TRPA1: variants seen among roughly 807,000 people sequenced by gnomAD.
TRPA1 encodes the protein ankyrin-like with transmembrane domains 1.
A neutral mutation model predicts 131.3 loss-of-function variants in TRPA1; 129 were observed. That is an observed-to-expected ratio of 0.98 (90% CI 0.85 to 1.14). The LOEUF (loss-of-function observed/expected upper bound fraction) is 1.14. Among genes scored for constraint, TRPA1 ranks in the 50% most tolerant of loss-of-function variants. The pLI is 0.00. For missense variants in TRPA1, 1,304 were observed against 1,354.2 expected, an observed-to-expected ratio of 0.96 and a Z score of 0.58; for synonymous variants, 441 against 451.7, an observed-to-expected ratio of 0.98 and a Z score of 0.30.
At chr8:72,041,215 G>C (rs1290924692) in intron 17 of TRPA1, 4 of 151,948 alleles carry the variant, frequency 2.6e-5, no homozygotes, top group African/African-American at 7.2e-5. Flanking sequence ...CAAAAATATG[G>C]AGCAAACTTA....
intron 17 of TRPA1, 41 bp from the exon 18 acceptor site, chr8:72,039,838 T>C (rs752574233): frequency 1.6e-5 from 21 of 1,288,110 alleles, no homozygotes; most frequent in South Asian, 1.5e-4. Context: ...ACAATCATAA[T>C]CAACTACTGA....
In TRPA1 at chr8:72,061,690, C is replaced by T. The variant is rs377547475; in HGVS notation, c.879G>A (p.Ser293=). The change falls in exon 7 of 27, where the codon TCG becomes TCA. Residue 293 remains serine, a synonymous_variant. Transcript: ENST00000262209. ...GATEIVKLMI[S]SYSGSVDIVN... is the part of the protein sequence containing the mutation. Reference sequence around the variant, plus strand: ...CAATATCCACGCTACCAGAATAGGACGATATCATCAGTTTAACAATCTCAG... The same window carrying T: ...CAATATCCACGCTACCAGAATAGGATGATATCATCAGTTTAACAATCTCAG... 2.0e-5 allele frequency: 33 copies of T among 1,613,822 alleles called. No homozygotes were observed. Among genetic ancestry groups the T allele is most frequent in the African/African-American group, 6.7e-5 (5 of 74,884 alleles).
chr8:72,035,560 G>A (rs1812002924), intron 21 of TRPA1, among the ~76,000 whole-genome samples: 1 of 152,076 alleles, frequency 6.6e-6, no homozygotes, highest in Non-Finnish European at 1.5e-5. Flanking sequence ...TAATAACATT[G>A]GCCTTGTTAT....
rs1805861685 is a variant in TRPA1, at chr8:72,063,590, T to C, written c.553-19A>G. 3 of 1,583,446 alleles carry C rather than the reference T, an allele frequency of 1.9e-6. No individual in the cohort carries two copies. Among genetic ancestry groups the C allele is most frequent in the Non-Finnish European group, 2.6e-6 (3 of 1,153,262 alleles). On this transcript the variant is annotated intron_variant, in intron 4 of 26. Coordinates refer to ENST00000262209, the MANE Select transcript of TRPA1 (RefSeq NM_007332.3). Reference sequence around the variant, plus strand: ...TTTTAAGCTGGAAGAAAAGACAAAATGAAAAATGACACCAGTTAAACCCCA... The same window carrying C: ...TTTTAAGCTGGAAGAAAAGACAAAACGAAAAATGACACCAGTTAAACCCCA...
Position 72,047,149 on chromosome 8 carries a change from T to A in TRPA1, c.1964A>T (p.Tyr655Phe). 6.2e-7 allele frequency: 1 copy of A among 1,603,004 alleles called. No homozygotes were observed. Among genetic ancestry groups the A allele is most frequent in the Non-Finnish European group, 8.5e-7 (1 of 1,171,406 alleles). ...STEDKSCRDYYIEYNFKYLQC... is the reference protein window; with the variant it reads ...STEDKSCRDYFIEYNFKYLQC... ...ATAATGATGATAAAATAAACTTACA[T>A]AATAGTCTCGGCAGGACTTGTCTTC... The change falls in exon 16 of 27, where the codon TAT becomes TTT. Residue 655 changes from tyrosine to phenylalanine, a missense_variant and splice_region_variant. Physicochemically the swap from Tyr to Phe is conservative, Grantham distance 22. Coordinates refer to ENST00000262209, the MANE Select transcript of TRPA1 (RefSeq NM_007332.3).
At chr8:72,038,308 G>C (rs369832563) in intron 19 of TRPA1, among the ~76,000 whole-genome samples, 2 of 151,360 alleles carry the variant, frequency 1.3e-5, no homozygotes, top group South Asian at 2.1e-4. Context: ...ATTGCTAATT[G>C]AATTAAAAAA....
At chr8:72,030,952 C>T (rs1266359564) in intron 23 of TRPA1, among the ~76,000 whole-genome samples, 1 of 152,160 alleles carries the variant, frequency 6.6e-6, no homozygotes, top group East Asian at 1.9e-4. Context: ...CCTGCCTTTG[C>T]TGAGCCAGCA....
At position 72,052,684 on chromosome 8, in the gene TRPA1, G is replaced by C; in HGVS notation, c.1726C>G (p.Leu576Val). ...LLLSHNADIVLNKQQASFLHL... is the reference protein window; with the variant it reads ...LLLSHNADIVVNKQQASFLHL... ...AAAAAGGAGGCCTGCTGCTTGTTCA[G>C]GACTATGTCAGCATTGTGGCTCAGA... The change falls in exon 14 of 27, where the codon CTG becomes GTG. Residue 576 changes from leucine (L) to valine (V), a missense_variant. Coordinates refer to ENST00000262209, the MANE Select transcript of TRPA1 (RefSeq NM_007332.3). The C allele has an allele frequency of 1.2e-6, 2 of 1,613,828 alleles. No individual in the cohort carries two copies. Among genetic ancestry groups the C allele is most frequent in the Admixed American group, 1.7e-5 (1 of 59,970 alleles).
At chr8:72,088,277 G>A in the TRPA1 span, among the ~76,000 whole-genome samples, 1 of 149,326 alleles carries the variant, frequency 6.7e-6, no homozygotes, top group African/African-American at 2.5e-5. Context: ...CCTATCTACT[G>A]TCTATCTTTC....
intron 3 of TRPA1, among the ~76,000 whole-genome samples, chr8:72,067,427 C>G (rs1419218327): frequency 6.6e-6 from 1 of 152,092 alleles, no homozygotes; most frequent in Non-Finnish European, 1.5e-5. Flanking sequence ...TTCTGCTTGT[C>G]CTGGTGTCAC....
intron 21 of TRPA1, among the ~76,000 whole-genome samples, chr8:72,034,873 G>A (rs2129433485): frequency 6.6e-6 from 1 of 152,256 alleles, no homozygotes; most frequent in Non-Finnish European, 1.5e-5. Flanking sequence ...TTTACCACTT[G>A]ACAACTGGAC....
intron 4 of TRPA1, 105 bp downstream of exon 4, chr8:72,065,346 T>C (rs887122853): frequency 7.4e-6 from 8 of 1,083,368 alleles, no homozygotes; most frequent in South Asian, 3.0e-5. Flanking sequence ...TTGTATTTTA[T>C]ATTTTTCTAA....
intron 24 of TRPA1, 75 bp from the exon 25 acceptor site, chr8:72,026,148 A>C: frequency 8.9e-7 from 1 of 1,124,974 alleles, no homozygotes; most frequent in Non-Finnish European, 1.3e-6. Context: ...AGAGGCAATC[A>C]TTAATACAGC....
upstream of TRPA1, among the ~76,000 whole-genome samples, chr8:72,077,549 AG>A (rs2129437280): frequency 6.6e-6 from 1 of 152,366 alleles, no homozygotes; most frequent in Admixed American, 6.5e-5. Flanking sequence ...TGCTTATAAA[AG>A]CAAATAGATT....
At chr8:72,038,691 A>G in intron 19 of TRPA1, 174 bp downstream of exon 19, 1 of 601,392 alleles carries the variant, frequency 1.7e-6, no homozygotes, top group Non-Finnish European at 2.8e-6. Context: ...CTGTTTGTTT[A>G]TATTCCCTCT....
In TRPA1 at chr8:72,061,813, A is replaced by C. The variant is rs372955735; in HGVS notation, c.808-52T>G. The C allele has an allele frequency of 5.0e-6, 8 of 1,590,548 alleles. No individual in the cohort carries two copies. In the Admixed American group the frequency reaches 5.0e-5, roughly 10 times the overall value. ...AATGTTTAAATCTCAATGAAAGAAT[A>C]TAACTTATATTCAGCTGTGAGCTTT... On this transcript the variant is annotated intron_variant, in intron 6 of 26. Transcript: ENST00000262209.
chr8:72,071,079 T>C (rs146059713), intron 2 of TRPA1, among the ~76,000 whole-genome samples: 1 of 152,350 alleles, frequency 6.6e-6, no homozygotes, highest in East Asian at 1.9e-4. Flanking sequence ...CAATATCTCT[T>C]GAACCTCTCC....
intron 1 of TRPA1, among the ~76,000 whole-genome samples, chr8:72,072,120 C>T (rs1041390618): frequency 1.3e-4 from 20 of 152,116 alleles, no homozygotes; most frequent in African/African-American, 4.1e-4. Context: ...AAATAAAGGC[C>T]GTTCTTCCTC....
the TRPA1 span, among the ~76,000 whole-genome samples, chr8:72,086,067 ATT>A: frequency 1.3e-5 from 2 of 151,618 alleles, no homozygotes; most frequent in African/African-American, 2.4e-5. Context: ...TGCTCGGCTA[ATT>A]TTTTTGTATT....
Sources: gnomAD v4.1 joint callset for allele counts (sites outside exome capture counted in the v4.1 genomes callset) on GRCh38, gnomAD v4.1.1 for gene constraint, MANE v1.5 for transcripts, NCBI Gene and HGNC (gene_info 2026-07-23, HGNC 2026-07-21) for gene names.